The following ASPH variants were observed in gnomAD, a reference collection of about 807,000 sequenced individuals.
The protein encoded by ASPH is aspartyl/asparaginyl beta-hydroxylase.
In ASPH, 100 loss-of-function variants were observed where a neutral mutation model predicts 118.4. That is an observed-to-expected ratio of 0.84 (90% CI 0.72 to 1.00). The LOEUF (loss-of-function observed/expected upper bound fraction) is 1.00, where lower values mean the gene tolerates loss of function less well. Among genes scored for constraint, ASPH ranks in the 50% least tolerant of loss-of-function variants. ASPH has a pLI of 0.00. For synonymous variants in ASPH, 315 were observed against 325.6 expected (o/e 0.97, Z 0.35); for missense variants, 920 against 919.5 (o/e 1.00, Z -0.01).
intron 14 of ASPH, among the ~76,000 whole-genome samples, chr8:61,609,228 C>T (rs1010446226): frequency 5.3e-5 from 8 of 152,168 alleles, no homozygotes; most frequent in South Asian, 2.1e-4. Context: ...CTTTGAGGAT[C>T]CAATGCTACC....
chr8:61,644,082 C>G, intron 7 of ASPH, 81 bp from the exon 8 acceptor site: 1 of 1,098,806 alleles, frequency 9.1e-7, no homozygotes, highest in South Asian at 1.4e-5. Flanking sequence ...GACACAATTT[C>G]TAGTTATGAT....
intron 20 of ASPH, among the ~76,000 whole-genome samples, chr8:61,552,731 C>A (rs184306937): frequency 2.6e-5 from 4 of 152,146 alleles, no homozygotes; most frequent in African/African-American, 9.7e-5. Context: ...CAGACACACA[C>A]ACACAGATAC....
intron 3 of ASPH, among the ~76,000 whole-genome samples, chr8:61,670,961 T>C (rs1208286344): frequency 6.6e-6 from 1 of 152,050 alleles, no homozygotes; most frequent in African/African-American, 2.4e-5. Context: ...TTAGAATGAC[T>C]GCTAACAAGG....
At chr8:61,702,699 T>C (rs1034319590) in intron 1 of ASPH, among the ~76,000 whole-genome samples, 37 of 152,154 alleles carry the variant, frequency 2.4e-4, no homozygotes, top group Admixed American at 2.0e-4. Context: ...GGAAAGAAAA[T>C]GTCGGGTCAG....
At chr8:61,644,074 CACA>C (rs1490316991) in intron 7 of ASPH, 73 bp from the exon 8 acceptor site, 1 of 1,160,214 alleles carries the variant, frequency 8.6e-7, no homozygotes, top group African/African-American at 1.5e-5. Context: ...ACCAGAAAGA[CACA>C]ATTTCTAGTT....
intron 3 of ASPH, chr8:61,661,300 C>T (rs541810460): frequency 1.3e-4 from 20 of 152,256 alleles, no homozygotes; most frequent in African/African-American, 2.6e-4. Flanking sequence ...CTGACTGAGA[C>T]GTTTTGGTTG....
intron 21 of ASPH, among the ~76,000 whole-genome samples, chr8:61,537,454 C>A (rs1820053558): frequency 6.6e-6 from 1 of 152,206 alleles, no homozygotes; most frequent in African/African-American, 2.4e-5. Context: ...ACTCCAGCTT[C>A]AAACCTCTGG....
At chr8:61,591,001 T>A (rs1359971054) in intron 14 of ASPH, among the ~76,000 whole-genome samples, 1 of 152,156 alleles carries the variant, frequency 6.6e-6, no homozygotes, top group Non-Finnish European at 1.5e-5. Context: ...AGTAAACTCT[T>A]CAGGCTGTGT....
intron 3 of ASPH, among the ~76,000 whole-genome samples, chr8:61,670,778 A>C (rs899506966): frequency 1.3e-5 from 2 of 151,988 alleles, no homozygotes; most frequent in Non-Finnish European, 2.9e-5. Flanking sequence ...AAGGTGAGTG[A>C]ATGAGACAAG....
intron 3 of ASPH, chr8:61,656,432 C>G (rs1173087080): frequency 6.6e-6 from 1 of 152,206 alleles, no homozygotes. Context: ...AGGAGCATCT[C>G]TTGCTCTGCT....
chr8:61,656,749 T>C (rs894337722), intron 3 of ASPH: 2 of 152,220 alleles, frequency 1.3e-5, no homozygotes, highest in Non-Finnish European at 2.9e-5. Context: ...GCCCCTCCAA[T>C]TTTAATTAAA....
chr8:61,637,848 A>G (rs1858541710), intron 12 of ASPH, 99 bp downstream of exon 12: 1 of 1,172,754 alleles, frequency 8.5e-7, no homozygotes, highest in Non-Finnish European at 1.2e-6. Context: ...GCTCCTATGC[A>G]CTGTATAGAC....
At chr8:61,643,364 A>G (rs1290386134) in intron 9 of ASPH, 22 bp downstream of exon 9, 1 of 1,593,768 alleles carries the variant, frequency 6.3e-7, no homozygotes, top group African/African-American at 1.3e-5. Context: ...TTTTAAATCT[A>G]ATGAAAATGC....
At chr8:61,632,634 C>T (rs927921504) in intron 13 of ASPH, 2 of 489,220 alleles carry the variant, frequency 4.1e-6, no homozygotes, top group African/African-American at 2.0e-5. Flanking sequence ...TATTATAATA[C>T]CAACAATTCC....
chr8:61,670,613 C>T (rs960141065), intron 3 of ASPH, among the ~76,000 whole-genome samples: 1 of 151,622 alleles, frequency 6.6e-6, no homozygotes, highest in African/African-American at 2.4e-5. Flanking sequence ...GAATTTTATC[C>T]GGGTTTTGTT....
intron 24 of ASPH, among the ~76,000 whole-genome samples, chr8:61,510,711 T>A (rs760687890): frequency 1.3e-5 from 2 of 152,226 alleles, no homozygotes; most frequent in African/African-American, 2.4e-5. Context: ...ATGGTATGGA[T>A]GTGTTTAACT....
At chr8:61,675,922 T>C in intron 3 of ASPH, 1 of 1,477,528 alleles carries the variant, frequency 6.8e-7, no homozygotes, top group South Asian at 1.4e-5. Flanking sequence ...GACTAGCTAG[T>C]AGCTGTACTG....
intron 1 of ASPH, among the ~76,000 whole-genome samples, chr8:61,706,772 A>T (rs1172409101): frequency 6.6e-6 from 1 of 152,236 alleles, no homozygotes; most frequent in East Asian, 1.9e-4. Context: ...TTACAAAGCT[A>T]TAGTGAGCAA....
chr8:61,646,659 A>G (rs1386342741), intron 6 of ASPH, 91 bp downstream of exon 6: 7 of 1,308,564 alleles, frequency 5.3e-6, no homozygotes, highest in Non-Finnish European at 7.0e-6. Context: ...CAAAAGTTAA[A>G]TATCAGTTTT....
Sources: gnomAD v4.1 joint callset for allele counts (sites outside exome capture counted in the v4.1 genomes callset) on GRCh38, gnomAD v4.1.1 for gene constraint, MANE v1.5 for transcripts, NCBI Gene and HGNC (gene_info 2026-07-23, HGNC 2026-07-21) for gene names.